The following MIB1 variants were observed in gnomAD, a reference collection of about 807,000 sequenced individuals.
MIB1 encodes E3 ubiquitin-protein ligase MIB1.
MIB1 carries 278 observed loss-of-function variants against 124.5 expected under a neutral mutation model. The ratio of observed to expected loss-of-function variants is 2.23; its 90% CI spans 2.02 to 2.47. The LOEUF is 2.47. Among genes scored for constraint, MIB1 ranks in the 30% most tolerant of loss-of-function variants. The probability of loss-of-function intolerance (pLI) is 0.00; values close to 1 mark genes in which losing one functional copy is unlikely to be tolerated. For synonymous variants in MIB1, 446 were observed against 429.4 expected, an observed-to-expected ratio of 1.04 and a Z score of -0.48; for missense variants, 957 against 1,254.4, an observed-to-expected ratio of 0.76 and a Z score of 3.58.
chr18:21,769,528 C>A (rs949019271), intron 3 of MIB1, among the ~76,000 whole-genome samples: 29 of 152,166 alleles, frequency 1.9e-4, no homozygotes, highest in African/African-American at 6.5e-4. Flanking sequence ...CCCTTTGAAG[C>A]CCTGTGATTA....
chr18:21,745,675 AACACACACACACACACAC>A (rs144491531), intron 1 of MIB1, among the ~76,000 whole-genome samples: 1 of 144,652 alleles, frequency 6.9e-6, no homozygotes, highest in African/African-American at 2.5e-5. Context: ...ATAGGTGTTA[AACACACACACACACACAC>A]ACACACACAC....
intron 6 of MIB1, among the ~76,000 whole-genome samples, chr18:21,786,984 T>A (rs2041442580): frequency 1.3e-5 from 2 of 152,220 alleles, no homozygotes. Flanking sequence ...TTTATTTTCT[T>A]ATCTGCCTTA....
chr18:21,708,472 C>T (rs1483573149), intron 1 of MIB1, among the ~76,000 whole-genome samples: 1 of 152,038 alleles, frequency 6.6e-6, no homozygotes, highest in Admixed American at 6.6e-5. Flanking sequence ...TGACCAACAT[C>T]GTGAAACCGC....
chr18:21,869,088 T>G lies in MIB1; in HGVS notation c.*4422T>G, dbSNP rs1476158279. On this transcript the variant is annotated 3_prime_UTR_variant, in exon 21 of 21. Transcript: ENST00000261537. ...ATTGACATTTTTGTTTCATTGAGAA[T>G]TTAAGCAGTAGGTACAGGAGAAGTG... The G allele has an allele frequency of 2.6e-5, 4 of 152,502 alleles. No individual in the cohort carries two copies. Among genetic ancestry groups the G allele is most frequent in the African/African-American group, 9.6e-5 (4 of 41,466 alleles). 9.4% of individuals were successfully genotyped at this position (152,502 alleles called of 1,614,324 possible).
chr18:21,870,767 G>GA lies in MIB1; in HGVS notation c.*6107dup, dbSNP rs957263150. On this transcript the variant is annotated 3_prime_UTR_variant, in exon 21 of 21. Coordinates refer to ENST00000261537, the MANE Select transcript of MIB1 (RefSeq NM_020774.4). ...CTGATGTTTAAGAGGAAAAACATCT[G>GA]AAAAAATATCTTTTGTTTATTTGAA... 2.0e-5 allele frequency: 3 copies of GA among 151,996 alleles called. No homozygotes were observed. The highest frequency in any genetic ancestry group is 4.4e-5 in the Non-Finnish European group (3 of 67,976). 9.4% of individuals were successfully genotyped at this position (151,996 alleles called of 1,614,324 possible).
chr18:21,733,362 A>G (rs933649696), intron 1 of MIB1, among the ~76,000 whole-genome samples: 2 of 152,196 alleles, frequency 1.3e-5, no homozygotes, highest in African/African-American at 4.8e-5. Flanking sequence ...TCAAGTGATC[A>G]TCTCGCCTCA....
chr18:21,817,098 G>C (rs2041836371), intron 11 of MIB1, among the ~76,000 whole-genome samples: 1 of 149,596 alleles, frequency 6.7e-6, no homozygotes, highest in Middle Eastern at 3.2e-3. Context: ...AGTGCCGCCA[G>C]ATACAGGAGT....
chr18:21,709,973 C>T (rs55957461), intron 1 of MIB1, among the ~76,000 whole-genome samples: 1 of 152,060 alleles, frequency 6.6e-6, no homozygotes, highest in Non-Finnish European at 1.5e-5. Flanking sequence ...CTGGGTGGTT[C>T]CAAAACCTGT....
At chr18:21,821,271 C>T (rs755615973) in intron 12 of MIB1, among the ~76,000 whole-genome samples, 1 of 152,152 alleles carries the variant, frequency 6.6e-6, no homozygotes, top group South Asian at 2.1e-4. Flanking sequence ...CCCTGTTTCC[C>T]AACTTCAGTT....
intron 14 of MIB1, among the ~76,000 whole-genome samples, chr18:21,843,568 A>G (rs2146505648): frequency 6.6e-6 from 1 of 152,370 alleles, no homozygotes; most frequent in African/African-American, 2.4e-5. Context: ...AGGGGGTTGT[A>G]GTTTAGCAAA....
At chr18:21,746,236 T>C (rs895309320) in intron 1 of MIB1, among the ~76,000 whole-genome samples, 1 of 152,212 alleles carries the variant, frequency 6.6e-6, no homozygotes, top group Non-Finnish European at 1.5e-5. Context: ...TCTGGAGTGG[T>C]TGGATCATTG....
chr18:21,795,323 T>C (rs1395734880), intron 7 of MIB1, among the ~76,000 whole-genome samples: 1 of 142,896 alleles, frequency 7.0e-6, no homozygotes, highest in East Asian at 2.0e-4. Context: ...TTATATATAA[T>C]ATATAAATAT....
chr18:21,780,588 A>G (rs887929716), intron 6 of MIB1, among the ~76,000 whole-genome samples: 13 of 152,286 alleles, frequency 8.5e-5, no homozygotes, highest in African/African-American at 2.9e-4. Flanking sequence ...TAGCTGAGTA[A>G]TACTCCTTTG....
At chr18:21,814,893 AAACAACAAC>A (rs530748972) in intron 10 of MIB1, among the ~76,000 whole-genome samples, 3 of 149,132 alleles carry the variant, frequency 2.0e-5, no homozygotes, top group Non-Finnish European at 4.5e-5. Context: ...GATTCTTTAA[AAACAACAAC>A]AACAACAACA....
At chr18:21,828,685 A>G (rs1027724361) in intron 12 of MIB1, 6 of 195,380 alleles carry the variant, frequency 3.1e-5, no homozygotes, top group East Asian at 1.6e-4. Context: ...TAGTAATACT[A>G]TTTTCCCTTT....
In MIB1 at chr18:21,773,619, G is replaced by A. The variant is rs1404060368; in HGVS notation, c.532-5G>A. ...AACTTCTTTTCTCAAAAACTATTCT[G>A]TTAGGTAACAGAAATCCAGGACTGG... On this transcript the variant is annotated splice_polypyrimidine_tract_variant and splice_region_variant and intron_variant, in intron 3 of 20. Coordinates refer to ENST00000261537, the MANE Select transcript of MIB1 (RefSeq NM_020774.4). The A allele has an allele frequency of 6.3e-7, 1 of 1,598,950 alleles. No individual in the cohort carries two copies. Among genetic ancestry groups the A allele is most frequent in the Non-Finnish European group, 8.5e-7 (1 of 1,172,712 alleles).
At position 21,706,354 on chromosome 18, in the gene MIB1, C is replaced by T. The variant is rs533855907; in HGVS notation, n.167+1231C>T. The stretch of plus-strand genomic sequence containing the variant: ...CCAAAGTGCTGGTGAGAGGTGACAA[C>T]GTGCTAGCAGCCCTCGCTCGCTCTC... On this transcript the variant is annotated intron_variant and non_coding_transcript_variant, in intron 1 of 20. Transcript: ENST00000578646. Among the ~76,000 whole-genome samples the T allele has an allele frequency of 3.9e-5, 6 of 152,308 alleles. No individual in the cohort carries two copies. In the East Asian group the frequency reaches 5.8e-4, roughly 15 times the overall value.
chr18:21,783,600 T>C (rs940190572), intron 6 of MIB1, among the ~76,000 whole-genome samples: 3 of 152,098 alleles, frequency 2.0e-5, no homozygotes, highest in African/African-American at 4.8e-5. Context: ...TTGTTATTGA[T>C]AGGTAAAGAT....
intron 1 of MIB1, among the ~76,000 whole-genome samples, chr18:21,706,439 T>C (rs4599003): frequency 0.31 from 47,603 of 152,068 alleles, 9,512 homozygotes; most frequent in African/African-American, 0.57. Context: ...TTCAGCCCGC[T>C]GCTGCACTGT....
Sources: allele counts gnomAD v4.1 joint callset (sites outside exome capture counted in the v4.1 genomes callset), GRCh38; gene constraint gnomAD v4.1.1; transcripts MANE v1.5; gene names NCBI Gene and HGNC (gene_info 2026-07-23, HGNC 2026-07-21).